The following SEMA3A variants were observed in gnomAD, a reference collection of about 807,000 sequenced individuals.
SEMA3A encodes the protein semaphorin-3A.
In SEMA3A, 29 loss-of-function variants were observed where a neutral mutation model predicts 97.9. That is an observed-to-expected ratio of 0.30 (90% CI 0.22 to 0.40). The LOEUF is 0.40. SEMA3A is among the 10% of genes least tolerant of loss of function. The pLI is 1.00. For synonymous variants in SEMA3A, 321 were observed against 323.7 expected, an observed-to-expected ratio of 0.99 and a Z score of 0.09; for missense variants, 763 against 951.3, an observed-to-expected ratio of 0.80 and a Z score of 2.60.
intron 4 of SEMA3A, among the ~76,000 whole-genome samples, chr7:84,106,371 T>G (rs1327878294): frequency 6.6e-6 from 1 of 152,152 alleles, no homozygotes; most frequent in Non-Finnish European, 1.5e-5. Context: ...CTGTACAGGT[T>G]TATAGCCTTA....
intron 3 of SEMA3A, among the ~76,000 whole-genome samples, chr7:84,204,387 T>C (rs1006889239): frequency 6.6e-6 from 1 of 152,196 alleles, no homozygotes; most frequent in Non-Finnish European, 1.5e-5. Flanking sequence ...ATTTTTTTAT[T>C]GCCAAATACA....
intron 1 of SEMA3A, among the ~76,000 whole-genome samples, chr7:84,137,665 C>T (rs575491624): frequency 7.0e-6 from 1 of 143,262 alleles, no homozygotes; most frequent in South Asian, 2.3e-4. Flanking sequence ...GTAATTCTAC[C>T]TTAGTTTCAG....
chr7:84,254,098 C>G (rs982447225), intron 3 of SEMA3A, among the ~76,000 whole-genome samples: 2 of 152,098 alleles, frequency 1.3e-5, no homozygotes, highest in Non-Finnish European at 2.9e-5. Context: ...AACTGCTGTC[C>G]TCAAACATCT....
rs566168493 is a variant in SEMA3A at position 84,099,291 on chromosome 7, C to T, written c.453+11179G>A. ...TTCACCGTGTTAGCCAGGATGGTCT[C>T]GATCTCCTGACCTCGTGATCCGCCC... On this transcript the variant is annotated intron_variant, in intron 4 of 16. Coordinates refer to ENST00000265362, the MANE Select transcript of SEMA3A (RefSeq NM_006080.3). 1.1e-4 allele frequency among the ~76,000 whole-genome samples: 6 copies of T among 56,358 alleles called. 2 individuals are homozygous for T. Among genetic ancestry groups the T allele is most frequent in the Non-Finnish European group, 3.0e-4 (5 of 16,660 alleles). The allele number at this position is 56,358 out of a possible 152,430, so 37.0% of individuals were successfully genotyped here. A position where few individuals can be genotyped will look rare whatever the true frequency, so the allele number is the denominator to read the frequency against.
intron 3 of SEMA3A, among the ~76,000 whole-genome samples, chr7:84,260,713 T>C (rs1358354072): frequency 6.6e-6 from 1 of 152,056 alleles, no homozygotes; most frequent in Non-Finnish European, 1.5e-5. Flanking sequence ...CAAATGAGCA[T>C]GGGAAGGAGG....
intron 12 of SEMA3A, among the ~76,000 whole-genome samples, chr7:84,001,197 T>TTTAA (rs1266840504): frequency 6.6e-6 from 1 of 152,168 alleles, no homozygotes; most frequent in East Asian, 1.9e-4. Flanking sequence ...CAAGGTGTGC[T>TTTAA]TTAATTTAAA....
At chr7:84,160,592 T>C (rs184273415) in intron 1 of SEMA3A, among the ~76,000 whole-genome samples, 1 of 150,926 alleles carries the variant, frequency 6.6e-6, no homozygotes, top group African/African-American at 2.4e-5. Flanking sequence ...AAAAATTCCA[T>C]AGGGGGTCAG....
chr7:84,427,076 T>C (rs1260413240), intron 1 of SEMA3A, among the ~76,000 whole-genome samples: 1 of 152,064 alleles, frequency 6.6e-6, no homozygotes, highest in Non-Finnish European at 1.5e-5. Flanking sequence ...AAAATAATGT[T>C]AACGCAATTC....
chr7:84,349,997 AC>A (rs138115707), intron 2 of SEMA3A, among the ~76,000 whole-genome samples: 2,048 of 152,184 alleles, frequency 0.013, 40 homozygotes, highest in African/African-American at 0.046. Flanking sequence ...TGGAAAAAAA[AC>A]ATCCTCTCTG....
chr7:84,114,693 G>A (rs1228631336), intron 3 of SEMA3A, among the ~76,000 whole-genome samples: 1 of 152,010 alleles, frequency 6.6e-6, no homozygotes, highest in African/African-American at 2.4e-5. Context: ...GCAGTAATCC[G>A]TGAGATTGTT....
intron 4 of SEMA3A, among the ~76,000 whole-genome samples, chr7:84,093,272 A>G (rs1794651418): frequency 2.6e-5 from 4 of 152,184 alleles, no homozygotes; most frequent in African/African-American, 9.6e-5. Flanking sequence ...CTACATGCAG[A>G]TATATATCCT....
At chr7:84,152,435 C>T (rs1234579851) in intron 1 of SEMA3A, among the ~76,000 whole-genome samples, 3 of 142,312 alleles carry the variant, frequency 2.1e-5, no homozygotes, top group African/African-American at 5.4e-5. Context: ...AGTAAACTGT[C>T]GCAAGAACAA....
chr7:84,056,458 G>C (rs1334725197), intron 5 of SEMA3A, among the ~76,000 whole-genome samples: 1 of 152,092 alleles, frequency 6.6e-6, no homozygotes, highest in East Asian at 1.9e-4. Context: ...TACTAACACA[G>C]GTGAAAAGTG....
intron 4 of SEMA3A, among the ~76,000 whole-genome samples, chr7:84,086,939 C>T (rs958822191): frequency 2.0e-5 from 3 of 151,906 alleles, no homozygotes; most frequent in African/African-American, 7.3e-5. Flanking sequence ...TCTCTCTTTT[C>T]ATATACATGA....
chr7:84,142,540 C>T (rs982877893), intron 1 of SEMA3A, among the ~76,000 whole-genome samples: 9 of 152,054 alleles, frequency 5.9e-5, no homozygotes, highest in South Asian at 4.1e-4. Context: ...TGCTTTTCTC[C>T]GTAAACACTT....
chr7:84,071,117 C>T (rs1360048362), intron 4 of SEMA3A, among the ~76,000 whole-genome samples: 3 of 152,114 alleles, frequency 2.0e-5, no homozygotes, highest in Admixed American at 6.6e-5. Flanking sequence ...TACAGTCACA[C>T]ATTGCATGTG....
At chr7:84,034,956 T>C (rs992380144) in intron 6 of SEMA3A, among the ~76,000 whole-genome samples, 4 of 152,120 alleles carry the variant, frequency 2.6e-5, no homozygotes, top group African/African-American at 9.7e-5. Context: ...TTCCACTATC[T>C]TTATAAATTA....
chr7:84,086,687 T>C (rs527450713), intron 4 of SEMA3A, among the ~76,000 whole-genome samples: 88 of 147,772 alleles, frequency 6.0e-4, no homozygotes, highest in Non-Finnish European at 8.9e-4. Context: ...ATATGGAATA[T>C]ATGTATATAT....
Position 84,095,342 on chromosome 7 carries a change from T to A in SEMA3A, c.453+15128A>T, listed in dbSNP as rs1407122169. On this transcript the variant is annotated intron_variant, in intron 4 of 16. Transcript: ENST00000265362. Reference sequence around the variant, plus strand: ...TGGCATTATATATATTATATATATTTTATATTTTTTATATACATATATATA... The same window carrying A: ...TGGCATTATATATATTATATATATTATATATTTTTTATATACATATATATA... Among the ~76,000 whole-genome samples, 557 of 131,244 alleles carry A rather than the reference T, an allele frequency of 4.2e-3. 2 individuals are homozygous for A. The highest frequency in any genetic ancestry group is 5.6e-3 in the East Asian group (27 of 4,834). The allele number at this position is 131,244 out of a possible 152,430, so 86.1% of individuals were successfully genotyped here.
Sources: allele counts gnomAD v4.1 joint callset (sites outside exome capture counted in the v4.1 genomes callset), GRCh38; gene constraint gnomAD v4.1.1; transcripts MANE v1.5; gene names NCBI Gene and HGNC (gene_info 2026-07-23, HGNC 2026-07-21).